The following SLC9A7 variants were observed in gnomAD, a reference collection of about 807,000 sequenced individuals.
SLC9A7 encodes the protein solute carrier family 9 member A7, also known as sodium/hydrogen exchanger 7.
Under a neutral mutation model 52.6 loss-of-function variants are expected in SLC9A7, and 19 were observed. That is an observed-to-expected ratio of 0.36 (90% confidence interval 0.25 to 0.53). SLC9A7 has a LOEUF of 0.53. Ranked by LOEUF, SLC9A7 falls within the 20% of genes least tolerant of loss-of-function variation. The pLI is 0.91. For missense variants in SLC9A7, 455 were observed against 597.9 expected (o/e 0.76, Z 2.49); for synonymous variants, 226 against 252.1 (o/e 0.90, Z 0.98).
chrX:46,667,428 T>G (rs747047068), intron 5 of SLC9A7, among the ~76,000 whole-genome samples: 29 of 111,206 alleles, frequency 2.6e-4, no homozygotes, highest in African/African-American at 7.8e-4. Context: ...CACACAACTG[T>G]CTAGAGCTAT....
chrX:46,757,335 G>A (rs1387424330), intron 1 of SLC9A7, among the ~76,000 whole-genome samples: 5 of 111,959 alleles, frequency 4.5e-5, no homozygotes, highest in South Asian at 7.5e-4. Flanking sequence ...CACCAAACTC[G>A]GTTTTAGACC....
chrX:46,719,318 T>C (rs1372356465), intron 1 of SLC9A7, among the ~76,000 whole-genome samples: 4 of 102,649 alleles, frequency 3.9e-5, no homozygotes, highest in Non-Finnish European at 7.9e-5. Context: ...GGGGAAGGGA[T>C]AGCATTAGGA....
chrX:46,698,491 C>G (rs1944482349), intron 1 of SLC9A7, among the ~76,000 whole-genome samples: 1 of 112,038 alleles, frequency 8.9e-6, no homozygotes, highest in South Asian at 3.7e-4. Context: ...ATGTTGTACA[C>G]AATACATACA....
At chrX:46,646,663 G>T in intron 11 of SLC9A7, 1 of 271,291 alleles carries the variant, frequency 3.7e-6, no homozygotes, top group Non-Finnish European at 7.3e-6. Context: ...CATCCCCCAG[G>T]AACTGCATGC....
chrX:46,672,864 C>A (rs1944046975), intron 3 of SLC9A7, among the ~76,000 whole-genome samples: 1 of 112,223 alleles, frequency 8.9e-6, no homozygotes, highest in African/African-American at 3.2e-5. Context: ...AATTTTCAGA[C>A]AAAACTGCTC....
intron 12 of SLC9A7, among the ~76,000 whole-genome samples, chrX:46,642,727 T>G (rs556322735): frequency 9.8e-5 from 11 of 112,088 alleles, no homozygotes; most frequent in African/African-American, 3.6e-4. Context: ...TCCATGAAAC[T>G]GCAACAGGTG....
chrX:46,706,257 G>A (rs1193480318), intron 1 of SLC9A7, among the ~76,000 whole-genome samples: 7 of 98,499 alleles, frequency 7.1e-5, no homozygotes, highest in Admixed American at 1.1e-4. Flanking sequence ...GGCAAAAGCC[G>A]CAATTACTTT....
chrX:46,606,796 G>A lies in SLC9A7; in HGVS notation c.*156C>T, dbSNP rs1942751538. ...ACTTTTGCCTCACCATCTGCATTGTGAGTTAAATTTTAAGTGTTACAATAG... is the reference window on the plus strand; with the variant it reads ...ACTTTTGCCTCACCATCTGCATTGTAAGTTAAATTTTAAGTGTTACAATAG... On this transcript the variant is annotated 3_prime_UTR_variant, in exon 17 of 17. Coordinates refer to ENST00000616978, the MANE Select transcript of SLC9A7 (RefSeq NM_001257291.2). 4.5e-6 allele frequency: 5 copies of A among 1,112,239 alleles called. No homozygotes were observed. The highest frequency in any genetic ancestry group is 5.9e-6 in the Non-Finnish European group (5 of 848,678). The allele number at this position is 1,112,239 out of a possible 1,213,427, so 91.7% of individuals were successfully genotyped here.
intron 14 of SLC9A7, among the ~76,000 whole-genome samples, chrX:46,626,511 G>A (rs1257174827): frequency 8.9e-6 from 1 of 112,685 alleles, no homozygotes; most frequent in Non-Finnish European, 1.9e-5. Context: ...CTGACCTCAG[G>A]TGATCCACCT....
chrX:46,723,339 CAGAA>C (rs1305129814), intron 1 of SLC9A7, among the ~76,000 whole-genome samples: 4 of 88,510 alleles, frequency 4.5e-5, no homozygotes, highest in African/African-American at 1.2e-4. Flanking sequence ...AGAAAAAAAA[CAGAA>C]AGAAAAGAAA....
At chrX:46,739,936 C>T (rs1412913416) in intron 1 of SLC9A7, among the ~76,000 whole-genome samples, 1 of 111,723 alleles carries the variant, frequency 9.0e-6, no homozygotes, top group Admixed American at 9.5e-5. Context: ...ATCATTCTGG[C>T]TCATTCATAG....
chrX:46,677,862 T>G (rs1406896080), intron 3 of SLC9A7, among the ~76,000 whole-genome samples: 1 of 112,397 alleles, frequency 8.9e-6, no homozygotes, highest in East Asian at 2.8e-4. Context: ...GGTTTTTCAT[T>G]ATAAACTCAA....
intron 1 of SLC9A7, among the ~76,000 whole-genome samples, chrX:46,711,287 T>C (rs1186530958): frequency 8.9e-6 from 1 of 112,760 alleles, no homozygotes; most frequent in African/African-American, 3.2e-5. Flanking sequence ...AATCACTTCA[T>C]ATGGGGTAAA....
At chrX:46,616,359 A>G in intron 15 of SLC9A7, among the ~76,000 whole-genome samples, 2 of 108,839 alleles carry the variant, frequency 1.8e-5, no homozygotes, top group Middle Eastern at 4.7e-3. Context: ...CAAAACAAAA[A>G]CAAAAAAACA....
intron 10 of SLC9A7, among the ~76,000 whole-genome samples, chrX:46,650,792 G>A (rs191738909): frequency 9.0e-6 from 1 of 111,432 alleles, no homozygotes; most frequent in Non-Finnish European, 1.9e-5. Context: ...ATCACCTGCC[G>A]AGCACCAGTT....
At chrX:46,668,933 C>T (rs1234668724) in intron 5 of SLC9A7, among the ~76,000 whole-genome samples, 3 of 111,120 alleles carry the variant, frequency 2.7e-5, no homozygotes, top group South Asian at 7.6e-4. Flanking sequence ...TTTGGGAGGC[C>T]AAGGCGGGTG....
At chrX:46,711,037 C>T (rs1372357892) in intron 1 of SLC9A7, among the ~76,000 whole-genome samples, 2 of 113,012 alleles carry the variant, frequency 1.8e-5, no homozygotes, top group African/African-American at 6.4e-5. Flanking sequence ...GTCACCCAGG[C>T]TGCTGACGAT....
intron 14 of SLC9A7, among the ~76,000 whole-genome samples, chrX:46,623,817 G>A (rs982521355): frequency 8.9e-6 from 1 of 111,980 alleles, no homozygotes; most frequent in East Asian, 2.8e-4. Context: ...TGGGGTGGGA[G>A]GAACATCTTT....
rs139280673 is a variant in SLC9A7, at chrX:46,672,600, T to C, written c.631A>G (p.Ile211Val). ...GTCCCCAAGAAGGCATAGGCCAGTA[T>C]AGATCCAAGATTTCTGAAAAAGTGT... ...KRHFFRNLGS[I>V]LAYAFLGTAV... The change falls in exon 4 of 17, where the codon ATA (isoleucine) becomes GTA (valine). Residue 211 changes from isoleucine to valine, a missense_variant. By Grantham distance (29) the Ile-to-Val change is conservative (BLOSUM62 3). Transcript: ENST00000616978. The C allele has an allele frequency of 1.5e-4, 183 of 1,203,211 alleles. No homozygotes were observed. The highest frequency in any genetic ancestry group is 6.6e-5 in the Admixed American group (3 of 45,429).
Sources: gnomAD v4.1 joint callset for allele counts (sites outside exome capture counted in the v4.1 genomes callset) on GRCh38, gnomAD v4.1.1 for gene constraint, MANE v1.5 for transcripts, NCBI Gene and HGNC (gene_info 2026-07-23, HGNC 2026-07-21) for gene names.